MAPK10: variants seen among roughly 807,000 people sequenced by gnomAD.
MAPK10 encodes the protein JNK3 alpha protein kinase.
A neutral mutation model predicts 59.3 loss-of-function variants in MAPK10; 25 were observed. That is an observed-to-expected ratio of 0.42 (90% confidence interval 0.31 to 0.59). MAPK10 has a LOEUF of 0.59. Ranked by LOEUF, MAPK10 falls within the 20% of genes least tolerant of loss-of-function variation. The pLI, the probability that MAPK10 is intolerant of heterozygous loss-of-function variation, is 0.15. For missense variants in MAPK10, 351 were observed against 568.9 expected, an observed-to-expected ratio of 0.62 and a Z score of 3.90; for synonymous variants, 190 against 200.5, an observed-to-expected ratio of 0.95 and a Z score of 0.44.
At chr4:86,047,041 TC>T (rs1456082682) in intron 11 of MAPK10, among the ~76,000 whole-genome samples, 1 of 152,114 alleles carries the variant, frequency 6.6e-6, no homozygotes, top group Non-Finnish European at 1.5e-5. Flanking sequence ...TTAGTTTTTT[TC>T]TTTTTGTTTT....
intron 1 of MAPK10, among the ~76,000 whole-genome samples, chr4:86,377,344 G>A (rs1739976899): frequency 6.6e-6 from 1 of 152,162 alleles, no homozygotes; most frequent in African/African-American, 2.4e-5. Context: ...AAGAAAAGGT[G>A]ATTCTCATGA....
chr4:86,069,523 T>C (rs530640691), intron 9 of MAPK10, among the ~76,000 whole-genome samples: 51 of 152,136 alleles, frequency 3.4e-4, no homozygotes, highest in African/African-American at 1.2e-3. Flanking sequence ...AAGGTTAGAG[T>C]TACAAATTAC....
chr4:86,580,695 C>T (rs1762202450), intron 1 of MAPK10, among the ~76,000 whole-genome samples: 2 of 152,032 alleles, frequency 1.3e-5, no homozygotes, highest in South Asian at 4.1e-4. Context: ...CAATTTTTTT[C>T]TAGCAAGATT....
intron 9 of MAPK10, among the ~76,000 whole-genome samples, chr4:86,084,471 G>A (rs34998174): frequency 0.23 from 34,530 of 151,990 alleles, 4,138 homozygotes; most frequent in South Asian, 0.26. Context: ...ACAATCTGAA[G>A]AAGAAATCAA....
chr4:86,413,372 G>A (rs558177833), intron 1 of MAPK10, among the ~76,000 whole-genome samples: 3 of 152,204 alleles, frequency 2.0e-5, no homozygotes, highest in Admixed American at 6.5e-5. Flanking sequence ...CCAGGGACCC[G>A]CTTGAGGAGG....
At position 86,295,649 on chromosome 4, in the gene MAPK10, A is replaced by G. The variant is rs373705739; in HGVS notation, c.-7+58881T>C. 2.0e-4 allele frequency among the ~76,000 whole-genome samples: 31 copies of G among 151,396 alleles called. No individual in the cohort carries two copies. In the East Asian group the frequency reaches 4.3e-3, roughly 21 times the overall value. On this transcript the variant is annotated intron_variant, in intron 2 of 13. Coordinates refer to ENST00000641462, the MANE Select transcript of MAPK10 (RefSeq NM_138982.4). Reference sequence around the variant, plus strand: ...CTGTCTACTATGATACAAAAGAAATAAAAACATGGTTCACAAAAATATGTT... The same window carrying G: ...CTGTCTACTATGATACAAAAGAAATGAAAACATGGTTCACAAAAATATGTT...
intron 1 of MAPK10, among the ~76,000 whole-genome samples, chr4:86,532,369 TA>T (rs1757916910): frequency 6.6e-6 from 1 of 152,138 alleles, no homozygotes; most frequent in East Asian, 1.9e-4. Flanking sequence ...AAGGAAAAGA[TA>T]AACATTTTCT....
In MAPK10 at chr4:86,282,231, T is replaced by C. The variant is rs145549478; in HGVS notation, c.-7+72299A>G. ...AAACAATATTCAAATAGTGAATCATTTGAATGCACAAGCAGAAATCTCCAC... is the reference window on the plus strand; with the variant it reads ...AAACAATATTCAAATAGTGAATCATCTGAATGCACAAGCAGAAATCTCCAC... On this transcript the variant is annotated intron_variant, in intron 2 of 13. Coordinates refer to ENST00000641462, the MANE Select transcript of MAPK10 (RefSeq NM_138982.4). Among the ~76,000 whole-genome samples the C allele has an allele frequency of 5.8e-3, 878 of 152,274 alleles. 8 individuals carry two copies. Among genetic ancestry groups the C allele is most frequent in the African/African-American group, 0.02 (826 of 41,566 alleles).
intron 2 of MAPK10, chr4:86,335,084 T>G (rs955162199): frequency 6.6e-6 from 1 of 152,160 alleles, no homozygotes; most frequent in Admixed American, 6.6e-5. Flanking sequence ...ACCTGTTATA[T>G]TATCTGGGAG....
chr4:86,419,364 T>C (rs535186112), intron 1 of MAPK10, among the ~76,000 whole-genome samples: 36 of 152,306 alleles, frequency 2.4e-4, no homozygotes, highest in African/African-American at 7.7e-4. Flanking sequence ...AATATTACCT[T>C]GCATACATAT....
Position 86,017,448 on chromosome 4 carries a change from G to A in MAPK10, c.1253-78C>T, listed in dbSNP as rs533846014. On this transcript the variant is annotated intron_variant, in intron 13 of 13. Transcript: ENST00000641462. The surrounding 1 kb of genome is among the most constrained non-coding windows in gnomAD (Gnocchi z 4.4). ...TTAATGCCATTCAGGATTCAGGGAT[G>A]GGCAAATACAATAGGGGATGTCCAG... 1.3e-6 allele frequency: 2 copies of A among 1,516,864 alleles called. No individual in the cohort carries two copies. The highest frequency in any genetic ancestry group is 2.7e-5 in the African/African-American group (2 of 73,136). The allele number at this position is 1,516,864 out of a possible 1,614,324, so 94.0% of individuals were successfully genotyped here.
At chr4:86,544,383 T>G (rs1457618658) in intron 1 of MAPK10, among the ~76,000 whole-genome samples, 6 of 152,254 alleles carry the variant, frequency 3.9e-5, no homozygotes, top group African/African-American at 1.4e-4. Flanking sequence ...ACTTTGCAGA[T>G]GAAGCTGACA....
chr4:86,135,846 T>C lies in MAPK10; in HGVS notation c.236+23452A>G, dbSNP rs563094921. On this transcript the variant is annotated intron_variant, in intron 4 of 13. Transcript: ENST00000641462. ...AATACAGAGAAGTGCTTAAAGGAGC[T>C]GATGGAGCTGAAAACCAAGGCTCGA... Among the ~76,000 whole-genome samples the C allele has an allele frequency of 3.2e-3, 480 of 152,174 alleles. 4 individuals are homozygous for C. Among genetic ancestry groups the C allele is most frequent in the African/African-American group, 0.011 (458 of 41,506 alleles).
At chr4:86,070,633 T>C (rs557947203) in intron 9 of MAPK10, among the ~76,000 whole-genome samples, 10 of 147,870 alleles carry the variant, frequency 6.8e-5, no homozygotes, top group African/African-American at 2.5e-4. Flanking sequence ...TGAGTGAGAA[T>C]ATGCGGTGTT....
chr4:86,560,716 G>C (rs895491106), intron 1 of MAPK10, among the ~76,000 whole-genome samples: 1 of 152,176 alleles, frequency 6.6e-6, no homozygotes, highest in African/African-American at 2.4e-5. Context: ...GCAAAACAGA[G>C]GCAAAAACTG....
chr4:86,098,638 T>C (rs1412154729), intron 8 of MAPK10, 43 bp from the exon 9 acceptor site: 1 of 1,393,630 alleles, frequency 7.2e-7, no homozygotes, highest in Admixed American at 1.7e-5. Context: ...GGGAGGAAAG[T>C]AAAGTTAACT....
At chr4:86,458,471 A>C (rs529570535) in intron 1 of MAPK10, among the ~76,000 whole-genome samples, 8 of 152,066 alleles carry the variant, frequency 5.3e-5, no homozygotes, top group Non-Finnish European at 8.8e-5. Context: ...CAAAAACAAA[A>C]AAAAAAGAAC....
intron 1 of MAPK10, among the ~76,000 whole-genome samples, chr4:86,479,220 C>T (rs896665546): frequency 6.6e-6 from 1 of 152,042 alleles, no homozygotes; most frequent in African/African-American, 2.4e-5. Context: ...CTTTATTAGT[C>T]AAATCACCCA....
At chr4:86,100,888 A>T in intron 8 of MAPK10, 164 bp downstream of exon 8, 1 of 549,328 alleles carries the variant, frequency 1.8e-6, no homozygotes, top group Non-Finnish European at 3.2e-6. Flanking sequence ...CACATTTTTA[A>T]TGAGTGTTTC....
Sources: gnomAD v4.1 joint callset for allele counts (sites outside exome capture counted in the v4.1 genomes callset) on GRCh38, gnomAD v4.1.1 for gene constraint, Gnocchi (gnomAD v3.1) non-coding constraint, MANE v1.5 for transcripts, NCBI Gene and HGNC (gene_info 2026-07-23, HGNC 2026-07-21) for gene names.